GRAP2: variants seen among roughly 807,000 people sequenced by gnomAD.
GRAP2 encodes GRB2 related adaptor protein 2.
In GRAP2, 31 loss-of-function variants were observed where a neutral mutation model predicts 43.5. The ratio of observed to expected loss-of-function variants is 0.71; its 90% CI spans 0.54 to 0.96. The LOEUF (loss-of-function observed/expected upper bound fraction) is 0.96. Among genes scored for constraint, GRAP2 ranks in the 40% least tolerant of loss-of-function variants. The probability of loss-of-function intolerance (pLI) is 0.00; values close to 1 mark genes in which losing one functional copy is unlikely to be tolerated. For missense variants in GRAP2, 371 were observed against 424.4 expected, an observed-to-expected ratio of 0.87 and a Z score of 1.11; for synonymous variants, 156 against 164.8, an observed-to-expected ratio of 0.95 and a Z score of 0.41.
At chr22:39,967,607 A>C (rs1398108193) in intron 5 of GRAP2, among the ~76,000 whole-genome samples, 1 of 152,210 alleles carries the variant, frequency 6.6e-6, no homozygotes, top group African/African-American at 2.4e-5. Context: ...TTGGGTCTCT[A>C]TCACCAGGCT....
chr22:39,961,632 C>T (rs909968549), intron 4 of GRAP2, among the ~76,000 whole-genome samples: 2 of 152,172 alleles, frequency 1.3e-5, no homozygotes, highest in African/African-American at 4.8e-5. Context: ...AAGCCCAGTT[C>T]GGAACACACT....
chr22:39,915,529 T>C (rs2066596715), intron 1 of GRAP2, among the ~76,000 whole-genome samples: 1 of 152,222 alleles, frequency 6.6e-6, no homozygotes, highest in East Asian at 1.9e-4. Flanking sequence ...CCCTCTCCTT[T>C]GTCTCTCCCA....
chr22:39,962,231 CG>C (rs2067126901), intron 4 of GRAP2, among the ~76,000 whole-genome samples: 1 of 151,994 alleles, frequency 6.6e-6, no homozygotes, highest in Non-Finnish European at 1.5e-5. Flanking sequence ...GGAGACCAGC[CG>C]GGGCAACTAG....
At chr22:39,942,321 C>T (rs959306188) in intron 1 of GRAP2, among the ~76,000 whole-genome samples, 2 of 152,114 alleles carry the variant, frequency 1.3e-5, no homozygotes, top group Non-Finnish European at 2.9e-5. Context: ...CTTTACCTGT[C>T]GAACAACAAG....
chr22:39,911,188 T>C (rs2066561804), intron 1 of GRAP2, among the ~76,000 whole-genome samples: 1 of 152,222 alleles, frequency 6.6e-6, no homozygotes, highest in African/African-American at 2.4e-5. Flanking sequence ...AAGACTTGAT[T>C]ATCCTGATCA....
chr22:39,955,982 G>A, intron 3 of GRAP2, 72 bp downstream of exon 3: 1 of 796,732 alleles, frequency 1.3e-6, no homozygotes, highest in South Asian at 1.4e-5. Context: ...AGTCACTACA[G>A]TTATCCATGG....
chr22:39,958,732 G>A (rs1050494484), intron 3 of GRAP2, among the ~76,000 whole-genome samples: 3 of 152,142 alleles, frequency 2.0e-5, no homozygotes, highest in Non-Finnish European at 4.4e-5. Context: ...TTTGCGATAT[G>A]GCTGCTGTGG....
At chr22:39,915,720 TCA>T (rs1453338525) in intron 1 of GRAP2, among the ~76,000 whole-genome samples, 3 of 152,188 alleles carry the variant, frequency 2.0e-5, no homozygotes, top group East Asian at 3.8e-4. Context: ...ATAACGTGTA[TCA>T]AAAAGCAATT....
At chr22:39,916,134 C>A (rs973541347) in intron 1 of GRAP2, among the ~76,000 whole-genome samples, 17 of 152,244 alleles carry the variant, frequency 1.1e-4, no homozygotes, top group Non-Finnish European at 1.2e-4. Context: ...CTCCAGCACT[C>A]AGTCTTATGT....
At chr22:39,926,276 A>G (rs1248640656) in intron 1 of GRAP2, among the ~76,000 whole-genome samples, 3 of 152,154 alleles carry the variant, frequency 2.0e-5, no homozygotes, top group Non-Finnish European at 4.4e-5. Flanking sequence ...GTTACACTTA[A>G]ACATCAAAAT....
chr22:39,912,001 A>G (rs1028118412), intron 1 of GRAP2, among the ~76,000 whole-genome samples: 1 of 152,224 alleles, frequency 6.6e-6, no homozygotes, highest in Non-Finnish European at 1.5e-5. Context: ...TTATGTTGTA[A>G]TACAAAACTT....
intron 4 of GRAP2, chr22:39,960,397 C>T (rs561364558): frequency 7.8e-5 from 38 of 489,622 alleles, no homozygotes; most frequent in Non-Finnish European, 1.3e-4. Context: ...ATTATTTCTA[C>T]GCCCATCTGC....
At chr22:39,921,149 T>C (rs1043775819) in intron 1 of GRAP2, among the ~76,000 whole-genome samples, 1 of 152,190 alleles carries the variant, frequency 6.6e-6, no homozygotes, top group Non-Finnish European at 1.5e-5. Flanking sequence ...AGGTCTGACA[T>C]CTATGTCAGC....
intron 2 of GRAP2, among the ~76,000 whole-genome samples, chr22:39,951,263 C>G (rs915798283): frequency 6.6e-6 from 1 of 152,180 alleles, no homozygotes; most frequent in Non-Finnish European, 1.5e-5. Flanking sequence ...AACCACCATA[C>G]CTGCAGCTAC....
chr22:39,961,065 C>G (rs2067115020), intron 4 of GRAP2: 1 of 151,848 alleles, frequency 6.6e-6, no homozygotes, highest in Admixed American at 6.6e-5. Flanking sequence ...CCCACCTCAG[C>G]CTCTCAAGTA....
At chr22:39,968,863 C>T (rs758137312) in intron 6 of GRAP2, among the ~76,000 whole-genome samples, 8 of 152,214 alleles carry the variant, frequency 5.3e-5, no homozygotes, top group Admixed American at 1.3e-4. Flanking sequence ...TTCCAGCAAC[C>T]CCCCACGCTG....
intron 1 of GRAP2, among the ~76,000 whole-genome samples, chr22:39,906,234 C>T (rs569772777): frequency 3.2e-4 from 49 of 152,152 alleles, no homozygotes; most frequent in African/African-American, 1.1e-3. Flanking sequence ...AAGATTTTAC[C>T]ATAAAACGCA....
chr22:39,933,780 T>A (rs1224720382), intron 1 of GRAP2, among the ~76,000 whole-genome samples: 2 of 151,138 alleles, frequency 1.3e-5, no homozygotes, highest in Non-Finnish European at 2.9e-5. Context: ...GGCGAATGTT[T>A]CAGTGAGCCA....
chr22:39,964,369 G>A (rs1601741267), intron 4 of GRAP2: 1 of 725,582 alleles, frequency 1.4e-6, no homozygotes, highest in South Asian at 1.5e-5. Context: ...AGGGGCGGCA[G>A]GCGCCATGTC....
Sources: gnomAD v4.1 joint callset for allele counts (sites outside exome capture counted in the v4.1 genomes callset) on GRCh38, gnomAD v4.1.1 for gene constraint, MANE v1.5 for transcripts, NCBI Gene and HGNC (gene_info 2026-07-23, HGNC 2026-07-21) for gene names.